The following MYO9B variants were observed in gnomAD, a reference collection of about 807,000 sequenced individuals.
MYO9B encodes the protein unconventional myosin-IXb.
Under a neutral mutation model 229.5 loss-of-function variants are expected in MYO9B, and 71 were observed. The ratio of observed to expected loss-of-function variants is 0.31; its 90% CI spans 0.26 to 0.38. The LOEUF is 0.38. MYO9B is among the 10% of genes least tolerant of loss of function. The pLI, the probability that MYO9B is intolerant of heterozygous loss-of-function variation, is 1.00. For synonymous variants in MYO9B, 1,185 were observed against 1,235.8 expected, an observed-to-expected ratio of 0.96 and a Z score of 0.86; for missense variants, 2,255 against 2,920.5, an observed-to-expected ratio of 0.77 and a Z score of 5.25.
intron 2 of MYO9B, among the ~76,000 whole-genome samples, chr19:17,115,478 T>C (rs1281331419): frequency 1.3e-5 from 2 of 151,454 alleles, no homozygotes; most frequent in African/African-American, 2.4e-5. Flanking sequence ...CCTTTTTTTT[T>C]TTTTTTTTGA....
At chr19:17,203,100 G>A (rs1055221423) in intron 29 of MYO9B, 47 bp from the exon 30 acceptor site, 2 of 1,500,396 alleles carry the variant, frequency 1.3e-6, no homozygotes, top group Non-Finnish European at 1.8e-6. Flanking sequence ...GGCTGGGGAG[G>A]GCTGCCTTCC....
chr19:17,163,945 G>A (rs1264024632), intron 10 of MYO9B, among the ~76,000 whole-genome samples: 1 of 152,204 alleles, frequency 6.6e-6, no homozygotes, highest in Non-Finnish European at 1.5e-5. Context: ...GAACATGGGT[G>A]TGCAAATATC....
chr19:17,167,987 C>T lies in MYO9B; in HGVS notation c.1716C>T (p.Tyr572=). ...GGATCACGTGGCACAACATCGGCTACACAGACAATGTCGGCTGCATCCATC... is the reference window on the plus strand; with the variant it reads ...GGATCACGTGGCACAACATCGGCTATACAGACAATGTCGGCTGCATCCATC... ...GEGITWHNIG[Y]TDNVGCIHLI... is the part of the protein sequence containing the mutation. Residue 572 remains tyrosine, a synonymous_variant, in exon 11 of 40, where the codon TAC becomes TAT. Transcript: ENST00000682292. 2 of 1,603,968 alleles carry T rather than the reference C, an allele frequency of 1.2e-6. No individual in the cohort carries two copies. Among genetic ancestry groups the T allele is most frequent in the African/African-American group, 1.3e-5 (1 of 74,830 alleles).
intron 2 of MYO9B, among the ~76,000 whole-genome samples, chr19:17,123,287 C>T (rs1022036410): frequency 7.9e-5 from 12 of 152,264 alleles, no homozygotes; most frequent in African/African-American, 2.9e-4. Flanking sequence ...GCAATTCGGA[C>T]ATAGTTCAGG....
chr19:17,106,899 C>T (rs949119381), intron 2 of MYO9B, among the ~76,000 whole-genome samples: 3 of 152,136 alleles, frequency 2.0e-5, no homozygotes, highest in African/African-American at 4.8e-5. Flanking sequence ...CCCGTCTCTA[C>T]TAAAAATACA....
rs752369636 is a variant in MYO9B at position 17,187,921 on chromosome 19, C to G, written c.2578-14C>G. On this transcript the variant is annotated splice_polypyrimidine_tract_variant and intron_variant, in intron 18 of 39. Coordinates refer to ENST00000682292, the MANE Select transcript of MYO9B (RefSeq NM_004145.4). ...TCAAGGCCACCTGCCTGATGTCTCG[C>G]ATTCCCATTTCAGAAAGAGCTGTGC... The G allele has an allele frequency of 6.4e-7, 1 of 1,565,926 alleles. No individual in the cohort carries two copies. Among genetic ancestry groups the G allele is most frequent in the Non-Finnish European group, 8.7e-7 (1 of 1,154,874 alleles).
chr19:17,160,512 T>TTTC (rs1555699038), intron 8 of MYO9B, among the ~76,000 whole-genome samples: 4 of 102,534 alleles, frequency 3.9e-5, no homozygotes, highest in African/African-American at 9.4e-5. Flanking sequence ...TTTTTTTTCT[T>TTTC]TTTTTTTTTT....
intron 1 of MYO9B, chr19:17,099,212 T>A (rs1438440038): frequency 1.3e-5 from 2 of 150,426 alleles, no homozygotes; most frequent in Non-Finnish European, 1.5e-5. Context: ...GAGGCAGAGG[T>A]TGCAGTGAGC....
chr19:17,179,907 AAT>A (rs1568288414), intron 14 of MYO9B, among the ~76,000 whole-genome samples: 4 of 149,928 alleles, frequency 2.7e-5, no homozygotes, highest in African/African-American at 1.0e-4. Flanking sequence ...TCCAAAAAAA[AAT>A]AAAATAAAAA....
chr19:17,125,309 CAA>C (rs1555695571), intron 2 of MYO9B, among the ~76,000 whole-genome samples: 2 of 120,862 alleles, frequency 1.7e-5, no homozygotes, highest in African/African-American at 3.4e-5. Context: ...CCCCCCCCCC[CAA>C]AAAAAGGGTA....
intron 15 of MYO9B, 48 bp from the exon 16 acceptor site, chr19:17,183,781 G>A (rs1167248847): frequency 1.3e-5 from 19 of 1,502,088 alleles, no homozygotes; most frequent in East Asian, 4.9e-5. Context: ...CCCAAATCCC[G>A]ACACTGTGTT....
At chr19:17,185,642 G>A (rs1248087820) in intron 17 of MYO9B, among the ~76,000 whole-genome samples, 1 of 152,066 alleles carries the variant, frequency 6.6e-6, no homozygotes, top group Admixed American at 6.6e-5. Flanking sequence ...GCGTTTGTCT[G>A]GTCCTCCCCA....
chr19:17,159,170 G>A (rs1399311722), intron 7 of MYO9B, among the ~76,000 whole-genome samples: 1 of 145,856 alleles, frequency 6.9e-6, no homozygotes, highest in Non-Finnish European at 1.5e-5. Flanking sequence ...CTCTAGCCTG[G>A]GTGATAGAGT....
At chr19:17,115,564 G>A (rs1040413762) in intron 2 of MYO9B, among the ~76,000 whole-genome samples, 1 of 151,192 alleles carries the variant, frequency 6.6e-6, no homozygotes, top group Non-Finnish European at 1.5e-5. Flanking sequence ...CGCCTCCCGG[G>A]TTCAAGCAAT....
intron 2 of MYO9B, among the ~76,000 whole-genome samples, chr19:17,138,869 C>T (rs2072303536): frequency 6.6e-6 from 1 of 152,110 alleles, no homozygotes; most frequent in Non-Finnish European, 1.5e-5. Context: ...ATAGGCTATA[C>T]CTATACAAAT....
At chr19:17,179,732 T>C (rs544627287) in intron 14 of MYO9B, among the ~76,000 whole-genome samples, 44 of 151,172 alleles carry the variant, frequency 2.9e-4, no homozygotes, top group Non-Finnish European at 5.8e-4. Flanking sequence ...CAGCCTGTCA[T>C]GGAATTTAAA....
intron 2 of MYO9B, among the ~76,000 whole-genome samples, chr19:17,107,612 C>T (rs2057804809): frequency 6.6e-6 from 1 of 152,186 alleles, no homozygotes; most frequent in Non-Finnish European, 1.5e-5. Flanking sequence ...GGCCGCACTC[C>T]CTCCCGGCTC....
At chr19:17,185,150 C>G (rs1018549481) in intron 17 of MYO9B, among the ~76,000 whole-genome samples, 163 bp downstream of exon 17, 1 of 151,878 alleles carries the variant, frequency 6.6e-6, no homozygotes, top group East Asian at 1.9e-4. Flanking sequence ...CCGAGGCGGG[C>G]GGATCACGAG....
rs1043458513 is a variant in MYO9B, at chr19:17,101,195, G to C, written c.-58-465G>C. Among the ~76,000 whole-genome samples the C allele has an allele frequency of 1.3e-5, 2 of 151,276 alleles. No individual in the cohort carries two copies. The highest frequency in any genetic ancestry group is 4.9e-5 in the African/African-American group (2 of 41,156). ...TAAAAGCCACTGTATTTTTTTTTAA[G>C]TGACAGGGTCTCTCTCTCTCACCCA... On this transcript the variant is annotated intron_variant, in intron 1 of 39. Transcript: ENST00000682292. This position sits in a 1 kb window ranked among gnomAD's most constrained non-coding sequence, Gnocchi z 4.7.
Sources: allele counts gnomAD v4.1 joint callset (sites outside exome capture counted in the v4.1 genomes callset), GRCh38; gene constraint gnomAD v4.1.1; non-coding constraint Gnocchi (gnomAD v3.1); transcripts MANE v1.5; gene names NCBI Gene and HGNC (gene_info 2026-07-23, HGNC 2026-07-21).